Variants in SLC26A8 observed in about 807,000 individuals in gnomAD.
SLC26A8 encodes solute carrier family 26 member 8, also known as testis anion transporter 1.
SLC26A8 carries 70 observed loss-of-function variants against 105.0 expected under a neutral mutation model. The observed-to-expected ratio is 0.67, with a 90% CI of 0.55 to 0.81. The LOEUF is 0.81. Among genes scored for constraint, SLC26A8 ranks in the 40% least tolerant of loss-of-function variants. The pLI is 0.00. For missense variants in SLC26A8, 998 were observed against 1,181.8 expected, an observed-to-expected ratio of 0.84 and a Z score of 2.28; for synonymous variants, 415 against 438.3, an observed-to-expected ratio of 0.95 and a Z score of 0.66.
intron 3 of SLC26A8, among the ~76,000 whole-genome samples, chr6:36,009,598 G>T (rs1420284713): frequency 1.3e-5 from 2 of 152,144 alleles, no homozygotes; most frequent in African/African-American, 2.4e-5. Flanking sequence ...ATACCAAAGG[G>T]TTATATGCTG....
chr6:35,957,919 C>A (rs1328387534), intron 16 of SLC26A8, among the ~76,000 whole-genome samples: 1 of 152,020 alleles, frequency 6.6e-6, no homozygotes, highest in African/African-American at 2.4e-5. Context: ...CGAGATCCTT[C>A]TTTTCTCTCC....
At chr6:35,969,688 C>T (rs892883409) in intron 10 of SLC26A8, 4 of 150,584 alleles carry the variant, frequency 2.7e-5, no homozygotes, top group African/African-American at 9.9e-5. Flanking sequence ...ACCCCTCACT[C>T]TCCTGTTTGC....
rs1238148873 is a variant in SLC26A8 at position 35,959,122 on chromosome 6, A to G, written c.1863+338T>C. Among the ~76,000 whole-genome samples the G allele has an allele frequency of 2.6e-5, 4 of 152,318 alleles. No individual in the cohort carries two copies. In the East Asian group the frequency reaches 7.7e-4, roughly 29 times the overall value. ...TTAAGTCACTTATTTTCAGAAATCT[A>G]AAGCTTGGCCGCTAAGAGCCAGGGA... On this transcript the variant is annotated intron_variant, in intron 16 of 19. Coordinates refer to ENST00000490799, the MANE Select transcript of SLC26A8 (RefSeq NM_052961.4).
chr6:35,943,821 T>G lies in SLC26A8; in HGVS notation c.*79A>C. ...AAGTACTGCTAGTTCGTATCCAGTC[T>G]AGGTCTCTGGACAATTGACCCCTTT... On this transcript the variant is annotated 3_prime_UTR_variant, in exon 20 of 20. Coordinates refer to ENST00000490799, the MANE Select transcript of SLC26A8 (RefSeq NM_052961.4). 6.4e-7 allele frequency: 1 copy of G among 1,558,138 alleles called. No homozygotes were observed. Among genetic ancestry groups the G allele is most frequent in the East Asian group, 2.3e-5 (1 of 44,406 alleles).
intron 3 of SLC26A8, among the ~76,000 whole-genome samples, chr6:36,000,835 C>T (rs924865276): frequency 2.6e-5 from 4 of 152,096 alleles, no homozygotes; most frequent in Non-Finnish European, 4.4e-5. Flanking sequence ...TCAAACACAT[C>T]CAAAAATAGA....
Position 36,019,442 on chromosome 6 carries a change from G to T in SLC26A8, c.188+78C>A, listed in dbSNP as rs1762072442. 5 of 1,410,124 alleles carry T rather than the reference G, an allele frequency of 3.5e-6. 1 individual carries two copies. In the South Asian group the frequency reaches 7.2e-5, roughly 20 times the overall value. 87.4% of individuals were successfully genotyped at this position (1,410,124 alleles called of 1,614,324 possible). Reference sequence around the variant, plus strand: ...ATTACAGGAACTCAGACAAGAAAGAGAAACGGACCCCAAAGGAGTCAGGTT... The same window carrying T: ...ATTACAGGAACTCAGACAAGAAAGATAAACGGACCCCAAAGGAGTCAGGTT... On this transcript the variant is annotated intron_variant, in intron 2 of 19. Transcript: ENST00000490799.
At chr6:35,950,728 CT>C (rs1771838853) in intron 19 of SLC26A8, among the ~76,000 whole-genome samples, 1 of 152,186 alleles carries the variant, frequency 6.6e-6, no homozygotes, top group Non-Finnish European at 1.5e-5. Flanking sequence ...ATCTGAATCT[CT>C]GCTAGTTCAT....
At chr6:35,958,725 G>T (rs888897605) in intron 16 of SLC26A8, among the ~76,000 whole-genome samples, 1 of 152,176 alleles carries the variant, frequency 6.6e-6, no homozygotes, top group African/African-American at 2.4e-5. Flanking sequence ...ATTTGTGTGT[G>T]TGTGTTGCGG....
intron 19 of SLC26A8, among the ~76,000 whole-genome samples, chr6:35,946,934 T>C (rs1771697494): frequency 6.6e-6 from 1 of 151,720 alleles, no homozygotes; most frequent in East Asian, 1.9e-4. Context: ...AAGTGATTCT[T>C]CTGCCTCAGT....
intron 2 of SLC26A8, among the ~76,000 whole-genome samples, chr6:36,014,888 A>C (rs1761954782): frequency 6.6e-6 from 1 of 151,976 alleles, no homozygotes; most frequent in Non-Finnish European, 1.5e-5. Context: ...AAGAAAAAAG[A>C]GAAAAAAAAC....
At chr6:35,971,707 C>G (rs1446826156) in intron 10 of SLC26A8, among the ~76,000 whole-genome samples, 1 of 152,210 alleles carries the variant, frequency 6.6e-6, no homozygotes, top group Non-Finnish European at 1.5e-5. Context: ...TCAGGTTCAA[C>G]CTCCCCTGAC....
In SLC26A8 at chr6:35,960,994, T is replaced by C. The variant is rs761331197; in HGVS notation, c.1567A>G (p.Arg523Gly). The C allele has an allele frequency of 6.2e-7, 1 of 1,614,086 alleles. No homozygotes were observed. The highest frequency in any genetic ancestry group is 1.1e-5 in the South Asian group (1 of 91,084). ...AFFITTVRSH[R>G]AKILLLGQIP... ...CTCCTATTACCTGAGACAAAGTACC[T>C]GTGTGAACGAACAGTGGTGATGAAG... The change falls in exon 13 of 20, where the codon AGA becomes GGA. Residue 523 changes from arginine to glycine, a missense_variant and splice_region_variant. Arg to Gly is a moderately radical substitution (Grantham distance 125). Coordinates refer to ENST00000490799, the MANE Select transcript of SLC26A8 (RefSeq NM_052961.4).
At chr6:35,994,572 C>G in intron 5 of SLC26A8, among the ~76,000 whole-genome samples, 1 of 141,226 alleles carries the variant, frequency 7.1e-6, no homozygotes, top group African/African-American at 2.6e-5. Flanking sequence ...CCATGTGCAT[C>G]ATCTCTTTTT....
At position 35,992,530 on chromosome 6, in the gene SLC26A8, C is replaced by T. The variant is rs546689610; in HGVS notation, c.772G>A (p.Gly258Ser). 21 of 1,612,742 alleles carry T rather than the reference C, an allele frequency of 1.3e-5. No homozygotes were observed. Among genetic ancestry groups the T allele is most frequent in the Admixed American group, 3.4e-5 (2 of 59,686 alleles). The change falls in exon 6 of 20, where the codon GGT (glycine) becomes AGT (serine). Residue 258 changes from glycine (G) to serine (S), a missense_variant. Coordinates refer to ENST00000490799, the MANE Select transcript of SLC26A8 (RefSeq NM_052961.4). Reference protein sequence around the residue: ...IFGIMISFHAGPISFFYDIIN... With the variant: ...IFGIMISFHASPISFFYDIIN... ...CTCACATAGAAGAAGGAGATGGGAC[C>T]GGCATGGAAACTAATCATAATCCCA...
At chr6:35,969,874 C>CTAT in intron 10 of SLC26A8, 1 of 152,290 alleles carries the variant, frequency 6.6e-6, no homozygotes, top group East Asian at 1.9e-4. Context: ...GCTCTGGATC[C>CTAT]TATCCCAGTT....
At chr6:35,970,568 T>C (rs1185691426) in intron 10 of SLC26A8, among the ~76,000 whole-genome samples, 2 of 152,244 alleles carry the variant, frequency 1.3e-5, no homozygotes, top group African/African-American at 4.8e-5. Context: ...ATCTAATTTC[T>C]GGCTCTAGCT....
chr6:35,991,877 C>A, intron 6 of SLC26A8, 69 bp from the exon 7 acceptor site: 2 of 1,425,052 alleles, frequency 1.4e-6, no homozygotes, highest in Non-Finnish European at 1.9e-6. Flanking sequence ...GAAATTGACA[C>A]TGTAGATTAA....
chr6:35,969,043 G>A, intron 10 of SLC26A8, 89 bp from the exon 11 acceptor site: 1 of 1,165,574 alleles, frequency 8.6e-7, no homozygotes, highest in Non-Finnish European at 1.2e-6. Flanking sequence ...TGAGAAGCAT[G>A]TCAATTTTTC....
At chr6:36,004,488 G>C (rs1363541305) in intron 3 of SLC26A8, among the ~76,000 whole-genome samples, 1 of 151,724 alleles carries the variant, frequency 6.6e-6, no homozygotes, top group Non-Finnish European at 1.5e-5. Context: ...TTTTAAAAAA[G>C]TCATATCAAT....
Sources: gnomAD v4.1 joint callset for allele counts (sites outside exome capture counted in the v4.1 genomes callset) on GRCh38, gnomAD v4.1.1 for gene constraint, MANE v1.5 for transcripts, NCBI Gene and HGNC (gene_info 2026-07-23, HGNC 2026-07-21) for gene names.